The following SCYL2 variants were observed in gnomAD, a reference collection of about 807,000 sequenced individuals.
The protein encoded by SCYL2 is SCY1-like protein 2.
A neutral mutation model predicts 100.4 loss-of-function variants in SCYL2; 36 were observed. The observed-to-expected ratio is 0.36, with a 90% confidence interval of 0.27 to 0.47. SCYL2 has a LOEUF of 0.47. SCYL2 is among the 20% of genes least tolerant of loss of function. SCYL2 has a pLI of 1.00. For synonymous variants in SCYL2, 330 were observed against 359.2 expected (o/e 0.92, Z 0.92); for missense variants, 902 against 1,083.9 (o/e 0.83, Z 2.36).
intron 2 of SCYL2, among the ~76,000 whole-genome samples, chr12:100,286,799 A>C (rs189362053): frequency 2.6e-4 from 39 of 151,826 alleles, no homozygotes; most frequent in African/African-American, 9.1e-4. Flanking sequence ...AAATAATTAA[A>C]TTAGAATAAT....
intron 11 of SCYL2, among the ~76,000 whole-genome samples, chr12:100,326,145 G>A (rs1193940875): frequency 6.6e-6 from 1 of 151,934 alleles, no homozygotes; most frequent in Non-Finnish European, 1.5e-5. Context: ...CTGTATATTT[G>A]GAAATAGAAA....
At chr12:100,290,136 A>T (rs1026473286) in intron 2 of SCYL2, among the ~76,000 whole-genome samples, 5 of 152,130 alleles carry the variant, frequency 3.3e-5, no homozygotes, top group African/African-American at 1.2e-4. Context: ...TGGTCCTTTG[A>T]GGTATTCATA....
At chr12:100,280,052 G>A (rs981168336) in intron 1 of SCYL2, among the ~76,000 whole-genome samples, 6 of 152,160 alleles carry the variant, frequency 3.9e-5, no homozygotes, top group Admixed American at 2.0e-4. Flanking sequence ...TCTGTAGTTT[G>A]GAATGTGCCT....
At chr12:100,279,924 T>G (rs2096296298) in intron 1 of SCYL2, among the ~76,000 whole-genome samples, 1 of 152,260 alleles carries the variant, frequency 6.6e-6, no homozygotes, top group South Asian at 2.1e-4. Context: ...TCAGCATAGC[T>G]TCATTCACTT....
At chr12:100,290,605 C>T (rs138479124) in intron 2 of SCYL2, among the ~76,000 whole-genome samples, 11 of 152,096 alleles carry the variant, frequency 7.2e-5, no homozygotes, top group Non-Finnish European at 1.5e-4. Flanking sequence ...AAATAGAAAA[C>T]TAATTGTCTT....
intron 3 of SCYL2, among the ~76,000 whole-genome samples, chr12:100,293,911 G>C (rs1283167650): frequency 2.0e-5 from 3 of 152,056 alleles, no homozygotes; most frequent in Non-Finnish European, 4.4e-5. Flanking sequence ...AAAATGAAAA[G>C]TCTCCCATGT....
At position 100,313,466 on chromosome 12, in the gene SCYL2, A is replaced by G. The variant is rs1196521267; in HGVS notation, c.897A>G (p.Glu299=). The stretch of plus-strand genomic sequence containing the variant: ...GTTCACTTACAAATATACCTGAGGA[A>G]GTTCGTGAACATGTAAAGCTACTGT... ...GSSSLTNIPE[E]VREHVKLLLN... Residue 299 remains glutamate (E), a synonymous_variant, in exon 7 of 18, where the codon GAA becomes GAG. Coordinates refer to ENST00000360820, the MANE Select transcript of SCYL2 (RefSeq NM_017988.6). 2.5e-6 allele frequency: 4 copies of G among 1,610,316 alleles called. No individual in the cohort carries two copies. Among genetic ancestry groups the G allele is most frequent in the Non-Finnish European group, 3.4e-6 (4 of 1,177,056 alleles).
chr12:100,335,972 A>G (rs2135944197), intron 16 of SCYL2, 66 bp downstream of exon 16: 1 of 1,174,864 alleles, frequency 8.5e-7, no homozygotes, highest in East Asian at 2.3e-5. Context: ...TAAACCACAG[A>G]TTTTTGTTGG....
intron 9 of SCYL2, 47 bp from the exon 10 acceptor site, chr12:100,317,756 T>C (rs1247059770): frequency 2.6e-6 from 4 of 1,548,688 alleles, no homozygotes; most frequent in African/African-American, 2.8e-5. Context: ...ATATTGAATC[T>C]TTTAAAGATT....
chr12:100,281,020 T>TTTTTTTG (rs2096297661), intron 1 of SCYL2, among the ~76,000 whole-genome samples: 1 of 67,016 alleles, frequency 1.5e-5, no homozygotes, highest in Non-Finnish European at 3.1e-5. Context: ...ACCATCAGTG[T>TTTTTTTG]TTTTTTTTTT....
At position 100,282,997 on chromosome 12, in the gene SCYL2, G is replaced by A. The variant is rs3764972; in HGVS notation, c.27G>A (p.Lys9=). The stretch of plus-strand genomic sequence containing the variant: ...TGGAGTCCATGCTTAATAAATTGAA[G>A]AGTACTGTTACAAAAGTAACAGCTG... MESMLNKL[K]STVTKVTADV... is the part of the protein sequence containing the mutation. Residue 9 remains lysine, a synonymous_variant, in exon 2 of 18, where the codon AAG becomes AAA. Coordinates refer to ENST00000360820, the MANE Select transcript of SCYL2 (RefSeq NM_017988.6). The A allele has an allele frequency of 1.7e-3, 2,666 of 1,606,462 alleles. 45 individuals carry two copies. In the East Asian group the frequency reaches 0.041, roughly 24 times the overall value.
intron 10 of SCYL2, among the ~76,000 whole-genome samples, chr12:100,322,422 A>G (rs1011110249): frequency 6.6e-6 from 1 of 150,580 alleles, no homozygotes; most frequent in Non-Finnish European, 1.5e-5. Flanking sequence ...AATTGGGATT[A>G]TGTAATACTC....
In SCYL2 at chr12:100,267,305, G is replaced by A. The variant is rs899863555; in HGVS notation, c.-516G>A. 13 of 498,120 alleles carry A rather than the reference G, an allele frequency of 2.6e-5. No homozygotes were observed. In the Middle Eastern group the frequency reaches 4.2e-3, roughly 161 times the overall value. The allele number at this position is 498,120 out of a possible 1,614,324, so 30.9% of individuals were successfully genotyped here. On this transcript the variant is annotated 5_prime_UTR_variant, in exon 1 of 18. Coordinates refer to ENST00000360820, the MANE Select transcript of SCYL2 (RefSeq NM_017988.6). ...GAGTAAAGCCAGAGTCAGTGGCCAG[G>A]CACGAAGGCAGAGCAGGAACAGCCA...
chr12:100,337,637 A>G, intron 17 of SCYL2, 131 bp downstream of exon 17: 2 of 885,910 alleles, frequency 2.3e-6, no homozygotes, highest in Non-Finnish European at 3.5e-6. Context: ...GTTTCTAAGA[A>G]GTATGGGCAT....
In SCYL2 at chr12:100,337,426, G is replaced by A. The variant is rs1952292489; in HGVS notation, c.2065G>A (p.Glu689Lys). 5.0e-6 allele frequency: 8 copies of A among 1,605,572 alleles called. No individual in the cohort carries two copies. Among genetic ancestry groups the A allele is most frequent in the Non-Finnish European group, 6.8e-6 (8 of 1,178,064 alleles). ...TGAAGAAAAACAAAAATTAGCAAAAGAACAAGAGCAGGCACAGAAGCTGAA... is the reference window on the plus strand; with the variant it reads ...TGAAGAAAAACAAAAATTAGCAAAAAAACAAGAGCAGGCACAGAAGCTGAA... ...TLEEKQKLAK[E>K]QEQAQKLKSQ... The change falls in exon 17 of 18, where the codon GAA becomes AAA. Residue 689 changes from glutamate to lysine, a missense_variant. Transcript: ENST00000360820.
intron 1 of SCYL2, among the ~76,000 whole-genome samples, chr12:100,273,153 A>G (rs553295784): frequency 6.6e-6 from 1 of 152,060 alleles, no homozygotes; most frequent in East Asian, 1.9e-4. Flanking sequence ...CCATAGCTTG[A>G]TTTCTTACTA....
rs1952174648 is a variant in SCYL2 at position 100,329,067 on chromosome 12, T to C, written c.1643-134T>C. ...TTCTGATTCATATGTAAGAACATCA[T>C]TATTCTAGGCATTGATTGGGAAAAA... On this transcript the variant is annotated intron_variant, in intron 12 of 17. Coordinates refer to ENST00000360820, the MANE Select transcript of SCYL2 (RefSeq NM_017988.6). 7.2e-6 allele frequency: 4 copies of C among 555,694 alleles called. No homozygotes were observed. In the East Asian group the frequency reaches 1.1e-4, roughly 16 times the overall value. The allele number at this position is 555,694 out of a possible 1,614,324, so 34.4% of individuals were successfully genotyped here.
chr12:100,295,386 A>G (rs1320378824), intron 3 of SCYL2, among the ~76,000 whole-genome samples: 1 of 152,210 alleles, frequency 6.6e-6, no homozygotes, highest in Non-Finnish European at 1.5e-5. Flanking sequence ...AGATCACGCC[A>G]CTGCACTCCA....
chr12:100,322,860 C>CA (rs138492576), intron 10 of SCYL2, among the ~76,000 whole-genome samples: 1,232 of 78,842 alleles, frequency 0.016, 13 homozygotes, highest in African/African-American at 0.038. Flanking sequence ...AACTCCGTCT[C>CA]AAAAAAAAAA....
Sources: allele counts gnomAD v4.1 joint callset (sites outside exome capture counted in the v4.1 genomes callset), GRCh38; gene constraint gnomAD v4.1.1; transcripts MANE v1.5; gene names NCBI Gene and HGNC (gene_info 2026-07-23, HGNC 2026-07-21).